CPN2: variants seen among roughly 807,000 people sequenced by gnomAD.
CPN2 encodes carboxypeptidase N subunit 2.
For synonymous variants in CPN2, 336 were observed against 318.4 expected (o/e 1.06, Z -0.59); for missense variants, 620 against 671.4 (o/e 0.92, Z 0.85).
In CPN2 at chr3:194,341,372, A is replaced by G; in HGVS notation, c.1331T>C (p.Val444Ala). The G allele has an allele frequency of 6.2e-7, 1 of 1,614,042 alleles. No individual in the cohort carries two copies. Among genetic ancestry groups the G allele is most frequent in the Non-Finnish European group, 8.5e-7 (1 of 1,180,042 alleles). Reference sequence around the variant, plus strand: ...CAAGTGGTCCCGGGTGACGGGACACACCAGCTGCTTCTCATTCAAGGCGGG... The same window carrying G: ...CAAGTGGTCCCGGGTGACGGGACACGCCAGCTGCTTCTCATTCAAGGCGGG... ...VVPALNEKQL[V>A]CPVTRDHLGF... The change falls in exon 2 of 2, where the codon GTG (valine) becomes GCG (alanine). Residue 444 changes from valine (V) to alanine (A), a missense_variant. Val to Ala is a moderately conservative substitution (Grantham distance 64). Transcript: ENST00000323830.
chr3:194,343,506 C>T (rs765667868), intron 1 of CPN2, among the ~76,000 whole-genome samples: 1 of 152,190 alleles, frequency 6.6e-6, no homozygotes, highest in Non-Finnish European at 1.5e-5. Flanking sequence ...ACAGTGGGCC[C>T]GCATTGCCAC....
rs76835735 is a variant in CPN2, at chr3:194,343,348, A to G, written c.-3-643T>C. Among the ~76,000 whole-genome samples, 29 of 152,318 alleles carry G rather than the reference A, an allele frequency of 1.9e-4. No individual in the cohort carries two copies. In the East Asian group the frequency reaches 4.8e-3, roughly 25 times the overall value. Reference sequence around the variant, plus strand: ...AAAATTAAAAAACAGATTTTCTAGCATGTACTCACAGGTCACAAATTGGTG... The same window carrying G: ...AAAATTAAAAAACAGATTTTCTAGCGTGTACTCACAGGTCACAAATTGGTG... On this transcript the variant is annotated intron_variant, in intron 1 of 1. Transcript: ENST00000323830.
At position 194,342,465 on chromosome 3, in the gene CPN2, A is replaced by C. The variant is rs1309874138; in HGVS notation, c.238T>G (p.Phe80Val). 6.2e-7 allele frequency: 1 copy of C among 1,614,242 alleles called. No homozygotes were observed. The highest frequency in any genetic ancestry group is 2.2e-5 in the East Asian group (1 of 44,884). Residue 80 changes from phenylalanine to valine, a missense_variant, in exon 2 of 2, where the codon TTC (phenylalanine) becomes GTC (valine). By Grantham distance (50) the Phe-to-Val change is conservative. Coordinates refer to ENST00000323830, the MANE Select transcript of CPN2 (RefSeq NM_001080513.4). ...GSNPNLTKVV[F>V]LNTQLCQFRP... ...AACTGGCAGAGCTGAGTGTTGAGGA[A>C]GACCACCTTGGTCAAGTTGGGGTTA...
intron 1 of CPN2, among the ~76,000 whole-genome samples, chr3:194,344,038 G>A (rs1712961644): frequency 6.6e-6 from 1 of 152,176 alleles, no homozygotes; most frequent in Non-Finnish European, 1.5e-5. Flanking sequence ...AAAGGGGTCC[G>A]CGAATCGGGT....
rs948945173 is a variant in CPN2 at position 194,340,982 on chromosome 3, G to A, written c.*83C>T. The A allele has an allele frequency of 5.5e-6, 8 of 1,458,288 alleles. No individual in the cohort carries two copies. The highest frequency in any genetic ancestry group is 4.9e-5 in the East Asian group (2 of 41,046). The allele number at this position is 1,458,288 out of a possible 1,614,324, so 90.3% of individuals were successfully genotyped here. A position where few individuals can be genotyped will look rare whatever the true frequency, so the allele number is the denominator to read the frequency against. On this transcript the variant is annotated 3_prime_UTR_variant, in exon 2 of 2. Transcript: ENST00000323830. ...CTTGCATGTGAAAAGCCAAGGCTTC[G>A]GAGACTCAGCTCCCCTCCGCCCCTA...
intron 1 of CPN2, among the ~76,000 whole-genome samples, chr3:194,345,820 G>A (rs1202305414): frequency 2.0e-5 from 3 of 152,214 alleles, no homozygotes; most frequent in Non-Finnish European, 4.4e-5. Flanking sequence ...ACCTCTCTGC[G>A]GAGCGAGCTG....
rs1172984659 is a variant in CPN2, at chr3:194,341,717, G to A, written c.986C>T (p.Pro329Leu). Reference sequence around the variant, plus strand: ...CTCCAGGTCTCTGAAGATGCCAGCTGGGAGGTGGGTAATGGCATTGTATGA... The same window carrying A: ...CTCCAGGTCTCTGAAGATGCCAGCTAGGAGGTGGGTAATGGCATTGTATGA... ...MLSYNAITHL[P>L]AGIFRDLEEL... Residue 329 changes from proline (P) to leucine (L), a missense_variant, in exon 2 of 2, where the codon CCA becomes CTA. Pro to Leu is a moderately conservative substitution (Grantham distance 98, BLOSUM62 -3). Transcript: ENST00000323830. 2.5e-6 allele frequency: 4 copies of A among 1,614,144 alleles called. No individual in the cohort carries two copies. The highest frequency in any genetic ancestry group is 3.4e-6 in the Non-Finnish European group (4 of 1,180,038).
Position 194,341,669 on chromosome 3 carries a change from C to A in CPN2, c.1034G>T (p.Gly345Val), listed in dbSNP as rs768640281. 2 of 1,614,172 alleles carry A rather than the reference C, an allele frequency of 1.2e-6. No homozygotes were observed. The highest frequency in any genetic ancestry group is 3.3e-5 in the Admixed American group (2 of 60,022). The change falls in exon 2 of 2, where the codon GGC becomes GTC. Residue 345 changes from glycine (G) to valine (V), a missense_variant. By Grantham distance (109) the Gly-to-Val change is moderately radical. Coordinates refer to ENST00000323830, the MANE Select transcript of CPN2 (RefSeq NM_001080513.4). Reference sequence around the variant, plus strand: ...GTGCAGCGCCGTAAGGTTGTTGCTGCCCAGGTAGAGTTTGACCAACTCCTC... The same window carrying A: ...GTGCAGCGCCGTAAGGTTGTTGCTGACCAGGTAGAGTTTGACCAACTCCTC... ...DLEELVKLYL[G>V]SNNLTALHPA...
intron 1 of CPN2, among the ~76,000 whole-genome samples, chr3:194,347,246 G>C (rs10933651): frequency 0.69 from 103,726 of 150,416 alleles, 36,019 homozygotes; most frequent in East Asian, 0.81. Flanking sequence ...GTGCAAATGA[G>C]CTCCTTCCTC....
chr3:194,348,367 C>T (rs565561183), intron 1 of CPN2, among the ~76,000 whole-genome samples: 2 of 151,842 alleles, frequency 1.3e-5, no homozygotes, highest in African/African-American at 2.4e-5. Context: ...GGGAGTGAAG[C>T]CACCTCTCAG....
chr3:194,349,775 C>T (rs1713194518), intron 1 of CPN2, among the ~76,000 whole-genome samples: 2 of 83,782 alleles, frequency 2.4e-5, no homozygotes, highest in African/African-American at 9.2e-5. Context: ...TGACTACCCT[C>T]TTCTTTTTTT....
chr3:194,344,940 CCA>C (rs1474779672), intron 1 of CPN2, among the ~76,000 whole-genome samples: 3 of 151,438 alleles, frequency 2.0e-5, no homozygotes, highest in Non-Finnish European at 4.4e-5. Flanking sequence ...CCAACACACA[CCA>C]CACACACACA....
chr3:194,348,644 A>G (rs1231978765), intron 1 of CPN2, among the ~76,000 whole-genome samples: 1 of 152,210 alleles, frequency 6.6e-6, no homozygotes, highest in Non-Finnish European at 1.5e-5. Context: ...TCATCCCAGC[A>G]CTTTGGGCGG....
chr3:194,341,903 A>G lies in CPN2; in HGVS notation c.800T>C (p.Leu267Pro). 6.2e-7 allele frequency: 1 copy of G among 1,614,208 alleles called. No individual in the cohort carries two copies. Among genetic ancestry groups the G allele is most frequent in the Non-Finnish European group, 8.5e-7 (1 of 1,180,038 alleles). Reference protein sequence around the residue: ...PLSIFASLGNLTFLSLQWNML... With the variant: ...PLSIFASLGNPTFLSLQWNML... ...GTTCCACTGCAAGCTCAGAAAGGTCAGATTACCCAGGGAGGCAAAGATGGA... is the reference window on the plus strand; with the variant it reads ...GTTCCACTGCAAGCTCAGAAAGGTCGGATTACCCAGGGAGGCAAAGATGGA... Residue 267 changes from leucine (L) to proline (P), a missense_variant, in exon 2 of 2, where the codon CTG becomes CCG. Physicochemically the swap from Leu to Pro is moderately conservative, Grantham distance 98. Coordinates refer to ENST00000323830, the MANE Select transcript of CPN2 (RefSeq NM_001080513.4).
At chr3:194,343,659 G>C (rs1487188784) in intron 1 of CPN2, among the ~76,000 whole-genome samples, 1 of 152,208 alleles carries the variant, frequency 6.6e-6, no homozygotes, top group Non-Finnish European at 1.5e-5. Context: ...GAGGTCCATT[G>C]CTTTCTAGCT....
intron 1 of CPN2, among the ~76,000 whole-genome samples, chr3:194,350,803 A>C (rs1311830148): frequency 1.3e-5 from 2 of 152,084 alleles, no homozygotes; most frequent in African/African-American, 4.8e-5. Context: ...CAGCCTGAGC[A>C]ACATAACAAG....
At position 194,341,498 on chromosome 3, in the gene CPN2, T is replaced by C. The variant is rs751722074; in HGVS notation, c.1205A>G (p.His402Arg). The C allele has an allele frequency of 6.2e-7, 1 of 1,614,148 alleles. No homozygotes were observed. The highest frequency in any genetic ancestry group is 8.5e-7 in the Non-Finnish European group (1 of 1,180,038). ...CAGCCAGTTGAAGAGGTAGGCCAGG[T>C]GGCAGTCGCACTGCCAGGGGTTACC... is the stretch of plus-strand genomic sequence containing the variant. ...LHGNPWQCDCHLAYLFNWLQQ... is the reference protein window; with the variant it reads ...LHGNPWQCDCRLAYLFNWLQQ... The change falls in exon 2 of 2, where the codon CAC becomes CGC. Residue 402 changes from histidine to arginine, a missense_variant. Transcript: ENST00000323830.
Position 194,342,133 on chromosome 3 carries a change from G to C in CPN2, c.570C>G (p.His190Gln). Residue 190 changes from histidine (H) to glutamine (Q), a missense_variant, in exon 2 of 2, where the codon CAC (histidine) becomes CAG (glutamine). By Grantham distance (24) the His-to-Gln change is conservative. Coordinates refer to ENST00000323830, the MANE Select transcript of CPN2 (RefSeq NM_001080513.4). ...LLAQLPEELF[H>Q]PLTSLQTLKL... Reference sequence around the variant, plus strand: ...TCAGGGTCTGCAGGCTGGTGAGTGGGTGGAACAGCTCCTCCGGGAGCTGGG... The same window carrying C: ...TCAGGGTCTGCAGGCTGGTGAGTGGCTGGAACAGCTCCTCCGGGAGCTGGG... 1 of 1,614,154 alleles carries C rather than the reference G, an allele frequency of 6.2e-7. No individual in the cohort carries two copies. Among genetic ancestry groups the C allele is most frequent in the African/African-American group, 1.3e-5 (1 of 75,032 alleles).
At position 194,341,980 on chromosome 3, in the gene CPN2, G is replaced by A. The variant is rs1712852373; in HGVS notation, c.723C>T (p.Phe241=). 3 of 1,614,206 alleles carry A rather than the reference G, an allele frequency of 1.9e-6. No homozygotes were observed. The highest frequency in any genetic ancestry group is 2.5e-6 in the Non-Finnish European group (3 of 1,180,052). ...ELPPQVFSQL[F]CLERLWLQRN... ...GTTGCAGCCACAGCCTCTCTAGGCA[G>A]AAGAGCTGGGAGAACACCTGAGGGG... Residue 241 remains phenylalanine (F), a synonymous_variant, in exon 2 of 2, where the codon TTC becomes TTT. Coordinates refer to ENST00000323830, the MANE Select transcript of CPN2 (RefSeq NM_001080513.4).
Sources: allele counts gnomAD v4.1 joint callset (sites outside exome capture counted in the v4.1 genomes callset), GRCh38; gene constraint gnomAD v4.1.1; transcripts MANE v1.5; gene names NCBI Gene and HGNC (gene_info 2026-07-23, HGNC 2026-07-21).